Variants in APMAP observed in about 807,000 individuals in gnomAD.
APMAP encodes the protein adipocyte plasma membrane associated protein, also known as adipocyte plasma membrane-associated protein.
In APMAP, 33 loss-of-function variants were observed where a neutral mutation model predicts 43.6. The ratio of observed to expected loss-of-function variants is 0.76; its 90% CI spans 0.57 to 1.01. The LOEUF (loss-of-function observed/expected upper bound fraction) is 1.01. APMAP is among the 50% of genes least tolerant of loss of function. The pLI is 0.00. For missense variants in APMAP, 498 were observed against 540.7 expected (o/e 0.92, Z 0.78); for synonymous variants, 224 against 216.7 (o/e 1.03, Z -0.30).
chr20:24,988,253 G>A (rs2088164409), intron 1 of APMAP, among the ~76,000 whole-genome samples: 1 of 152,196 alleles, frequency 6.6e-6, no homozygotes, highest in South Asian at 2.1e-4. Flanking sequence ...ACCTAAGGCA[G>A]ATTTTCCTCA....
chr20:24,979,642 C>A (rs1046374532), intron 2 of APMAP, among the ~76,000 whole-genome samples: 8 of 152,164 alleles, frequency 5.3e-5, no homozygotes, highest in African/African-American at 1.9e-4. Flanking sequence ...TCGCCTCGCC[C>A]CTGCTCCCTC....
intron 8 of APMAP, among the ~76,000 whole-genome samples, chr20:24,966,564 A>G (rs1057498917): frequency 1.3e-5 from 2 of 152,242 alleles, no homozygotes; most frequent in African/African-American, 4.8e-5. Flanking sequence ...ATGCGAGAGC[A>G]GAATCTAAAT....
intron 3 of APMAP, among the ~76,000 whole-genome samples, chr20:24,977,154 A>C (rs1600285435): frequency 6.6e-6 from 1 of 152,218 alleles, no homozygotes; most frequent in East Asian, 1.9e-4. Context: ...CCAAGAGTGA[A>C]CCCTACCGTA....
chr20:24,964,110 A>T, intron 8 of APMAP, 88 bp from the exon 9 acceptor site: 2 of 1,346,736 alleles, frequency 1.5e-6, no homozygotes, highest in Non-Finnish European at 2.1e-6. Context: ...CCATCCAGGA[A>T]CGGTCTGACT....
intron 3 of APMAP, among the ~76,000 whole-genome samples, chr20:24,976,279 T>C (rs576979701): frequency 1.3e-5 from 2 of 152,262 alleles, no homozygotes; most frequent in African/African-American, 4.8e-5. Context: ...GGAGAAAATA[T>C]TGGCAAACAA....
At chr20:24,980,293 T>C (rs1015318137) in intron 2 of APMAP, among the ~76,000 whole-genome samples, 11 of 152,108 alleles carry the variant, frequency 7.2e-5, no homozygotes, top group Non-Finnish European at 1.3e-4. Context: ...GAGCTAAGCG[T>C]TGGGGAAAAG....
intron 7 of APMAP, 66 bp downstream of exon 7, chr20:24,969,460 C>T: frequency 1.3e-6 from 2 of 1,537,922 alleles, no homozygotes; most frequent in South Asian, 2.4e-5. Context: ...CATTTCCATG[C>T]CCACCCCACC....
At position 24,968,802 on chromosome 20, in the gene APMAP, C is replaced by T. The variant is rs933067296; in HGVS notation, c.1041+90G>A. 1.2e-5 allele frequency: 15 copies of T among 1,297,672 alleles called. No homozygotes were observed. In the African/African-American group the frequency reaches 2.2e-4, roughly 19 times the overall value. The allele number at this position is 1,297,672 out of a possible 1,614,324, so 80.4% of individuals were successfully genotyped here. A position where few individuals can be genotyped will look rare whatever the true frequency, so the allele number is the denominator to read the frequency against. On this transcript the variant is annotated intron_variant, in intron 8 of 8. Coordinates refer to ENST00000217456, the MANE Select transcript of APMAP (RefSeq NM_020531.3). ...GTCATTCAGAGCCAAATACTACAAG[C>T]AGAACTAGATTTTTAAGCTATAAGG... is the stretch of plus-strand genomic sequence containing the variant.
intron 4 of APMAP, among the ~76,000 whole-genome samples, chr20:24,973,092 T>C (rs1344748443): frequency 6.6e-6 from 1 of 152,258 alleles, no homozygotes; most frequent in Non-Finnish European, 1.5e-5. Flanking sequence ...TTTGTGTTTA[T>C]GAAAATACAT....
At chr20:24,983,215 C>G (rs1442954276) in intron 2 of APMAP, among the ~76,000 whole-genome samples, 1 of 152,140 alleles carries the variant, frequency 6.6e-6, no homozygotes, top group Non-Finnish European at 1.5e-5. Context: ...AGGTATAATT[C>G]TTGTCTGAAG....
At chr20:24,966,215 G>A (rs2087941609) in intron 8 of APMAP, among the ~76,000 whole-genome samples, 1 of 152,152 alleles carries the variant, frequency 6.6e-6, no homozygotes, top group African/African-American at 2.4e-5. Flanking sequence ...AAGACAAGAG[G>A]ACATGCCCAA....
Position 24,969,020 on chromosome 20 carries a change from G to T in APMAP, c.913C>A (p.Pro305Thr). Residue 305 changes from proline to threonine, a missense_variant, in exon 8 of 9, where the codon CCA (proline) becomes ACA (threonine). Coordinates refer to ENST00000217456, the MANE Select transcript of APMAP (RefSeq NM_020531.3). ...DLFVENMPGF[P>T]DNIRPSSSGG... ...GAGCTGCTGGGCCGGATGTTGTCTG[G>T]AAATCCAGGCATGTTCTCCACAAAC... 1 of 1,613,952 alleles carries T rather than the reference G, an allele frequency of 6.2e-7. No homozygotes were observed. The highest frequency in any genetic ancestry group is 8.5e-7 in the Non-Finnish European group (1 of 1,179,968).
chr20:24,971,842 T>TATTGCAGGGTGCTC (rs2088004274), intron 4 of APMAP, among the ~76,000 whole-genome samples: 1 of 150,070 alleles, frequency 6.7e-6, no homozygotes, highest in Non-Finnish European at 1.5e-5. Context: ...TGCAGGTGCT[T>TATTGCAGGGTGCTC]ATTGCAGGGT....
chr20:24,970,781 G>C (rs886241764), intron 5 of APMAP, among the ~76,000 whole-genome samples: 1 of 152,190 alleles, frequency 6.6e-6, no homozygotes, highest in Non-Finnish European at 1.5e-5. Flanking sequence ...AAGCACTCTC[G>C]AGGTGTGATC....
chr20:24,974,448 C>T (rs1466368076), intron 3 of APMAP, among the ~76,000 whole-genome samples: 1 of 151,804 alleles, frequency 6.6e-6, no homozygotes, highest in Non-Finnish European at 1.5e-5. Flanking sequence ...AGAATAAGGG[C>T]AAAGAATAGA....
At chr20:24,986,629 G>T (rs2088150048) in intron 1 of APMAP, among the ~76,000 whole-genome samples, 1 of 152,232 alleles carries the variant, frequency 6.6e-6, no homozygotes, top group African/African-American at 2.4e-5. Flanking sequence ...AAAGGAGTAA[G>T]GGCCAGGAAA....
chr20:24,982,833 C>A (rs1400356840), intron 2 of APMAP, among the ~76,000 whole-genome samples: 2 of 151,232 alleles, frequency 1.3e-5, no homozygotes, highest in East Asian at 1.9e-4. Context: ...ATCAGGGGAC[C>A]CCCCCCCGCC....
intron 2 of APMAP, among the ~76,000 whole-genome samples, chr20:24,983,623 A>G (rs2088122945): frequency 6.6e-6 from 1 of 152,198 alleles, no homozygotes; most frequent in Non-Finnish European, 1.5e-5. Context: ...AATGAATTAT[A>G]GTTGACTGTC....
intron 8 of APMAP, among the ~76,000 whole-genome samples, chr20:24,967,277 A>G (rs1477535308): frequency 6.6e-6 from 1 of 152,230 alleles, no homozygotes; most frequent in Admixed American, 6.5e-5. Context: ...CCTGGGTGAC[A>G]GGGCGAGGCT....
Sources: gnomAD v4.1 joint callset for allele counts (sites outside exome capture counted in the v4.1 genomes callset) on GRCh38, gnomAD v4.1.1 for gene constraint, MANE v1.5 for transcripts, NCBI Gene and HGNC (gene_info 2026-07-23, HGNC 2026-07-21) for gene names.